The following CD2AP variants were observed in gnomAD, a reference collection of about 807,000 sequenced individuals.
CD2AP encodes CD2-associated protein.
CD2AP carries 46 observed loss-of-function variants against 85.1 expected under a neutral mutation model. The ratio of observed to expected loss-of-function variants is 0.54; its 90% CI spans 0.43 to 0.69. The LOEUF (loss-of-function observed/expected upper bound fraction) is 0.69, where lower values mean the gene tolerates loss of function less well. Among genes scored for constraint, CD2AP ranks in the 30% least tolerant of loss-of-function variants. The probability of loss-of-function intolerance (pLI) is 0.00; values close to 1 mark genes in which losing one functional copy is unlikely to be tolerated. For synonymous variants in CD2AP, 255 were observed against 252.9 expected (o/e 1.01, Z -0.08); for missense variants, 769 against 729.5 (o/e 1.05, Z -0.62).
intron 1 of CD2AP, among the ~76,000 whole-genome samples, chr6:47,496,562 AT>A (rs1254956965): frequency 6.6e-6 from 1 of 152,248 alleles, no homozygotes; most frequent in Non-Finnish European, 1.5e-5. Context: ...TGCTATAAAC[AT>A]TTTTGCTGTA....
intron 2 of CD2AP, among the ~76,000 whole-genome samples, chr6:47,521,398 A>G (rs1336684615): frequency 1.3e-5 from 2 of 151,854 alleles, no homozygotes; most frequent in African/African-American, 4.8e-5. Context: ...CTAAATATAC[A>G]AAAATTAGCT....
chr6:47,487,406 C>A (rs1252032807), intron 1 of CD2AP, among the ~76,000 whole-genome samples: 1 of 152,052 alleles, frequency 6.6e-6, no homozygotes, highest in African/African-American at 2.4e-5. Flanking sequence ...ATAAAAACTT[C>A]TTGGCCAGGC....
At chr6:47,512,371 T>TA (rs1766341618) in intron 2 of CD2AP, among the ~76,000 whole-genome samples, 1 of 152,118 alleles carries the variant, frequency 6.6e-6, no homozygotes, top group African/African-American at 2.4e-5. Flanking sequence ...AGGTGCATGT[T>TA]ATTTTGTAAA....
intron 17 of CD2AP, among the ~76,000 whole-genome samples, chr6:47,622,527 C>G (rs1769782152): frequency 6.6e-6 from 1 of 152,162 alleles, no homozygotes; most frequent in South Asian, 2.1e-4. Context: ...GCTGCTTCCT[C>G]TACCCCCCTT....
Position 47,489,582 on chromosome 6 carries a change from ATACT to A in CD2AP, c.4+11337_4+11340del, listed in dbSNP as rs1288174718. Among the ~76,000 whole-genome samples, 15 of 152,194 alleles carry A rather than the reference ATACT, an allele frequency of 9.9e-5. No homozygotes were observed. In the East Asian group the frequency reaches 1.2e-3, roughly 12 times the overall value. ...TAATTTTAAAATTCATTTTCAGTTG[ATACT>A]TAGTTACTAGCATTTAGGGAATTCT... On this transcript the variant is annotated intron_variant, in intron 1 of 17. Coordinates refer to ENST00000359314, the MANE Select transcript of CD2AP (RefSeq NM_012120.3).
intron 15 of CD2AP, among the ~76,000 whole-genome samples, chr6:47,608,473 T>G (rs1168259272): frequency 6.6e-6 from 1 of 152,162 alleles, no homozygotes; most frequent in East Asian, 1.9e-4. Flanking sequence ...TTTACCATTT[T>G]TATTTAACAT....
intron 16 of CD2AP, among the ~76,000 whole-genome samples, chr6:47,612,208 G>A (rs1411296109): frequency 6.6e-6 from 1 of 152,032 alleles, no homozygotes; most frequent in Non-Finnish European, 1.5e-5. Context: ...TCTTCTAAAG[G>A]TTAGATATTA....
rs773413172 is a variant in CD2AP at position 47,607,941 on chromosome 6, C to T, written c.1545C>T (p.Pro515=). ...AAATCATTTAGCCAACTCACAGCCC[C>T]GAAAAAATCTTGAAGTTACCAAAAG... is the stretch of plus-strand genomic sequence containing the variant. ...FNGGHSPTHS[P]EKILKLPKEE... is the part of the protein sequence containing the mutation. The change falls in exon 15 of 18, where the codon CCC becomes CCT. Residue 515 remains proline, a synonymous_variant. Coordinates refer to ENST00000359314, the MANE Select transcript of CD2AP (RefSeq NM_012120.3). The T allele has an allele frequency of 7.4e-6, 12 of 1,611,694 alleles. No individual in the cohort carries two copies. The highest frequency in any genetic ancestry group is 2.2e-5 in the East Asian group (1 of 44,794).
chr6:47,549,926 C>G (rs1767468164), intron 4 of CD2AP, among the ~76,000 whole-genome samples: 1 of 152,100 alleles, frequency 6.6e-6, no homozygotes, highest in Non-Finnish European at 1.5e-5. Flanking sequence ...GCTAACTGAT[C>G]TTCGACAAAG....
intron 3 of CD2AP, among the ~76,000 whole-genome samples, chr6:47,541,938 C>G (rs751373090): frequency 5.8e-4 from 89 of 152,200 alleles, no homozygotes; most frequent in Non-Finnish European, 1.1e-3. Context: ...TTAGGATTCT[C>G]CTTTGTTGTC....
At chr6:47,534,120 C>G (rs771577240) in intron 3 of CD2AP, among the ~76,000 whole-genome samples, 14 of 152,152 alleles carry the variant, frequency 9.2e-5, no homozygotes, top group Non-Finnish European at 1.6e-4. Flanking sequence ...GCTTTTTCTT[C>G]AGTTGTTAAA....
intron 13 of CD2AP, among the ~76,000 whole-genome samples, chr6:47,601,739 T>C (rs1328432046): frequency 6.6e-6 from 1 of 152,012 alleles, no homozygotes; most frequent in East Asian, 1.9e-4. Context: ...TCAAATATAA[T>C]GTGTGAAACT....
intron 4 of CD2AP, among the ~76,000 whole-genome samples, chr6:47,553,241 A>T (rs2114060107): frequency 6.6e-6 from 1 of 152,316 alleles, no homozygotes; most frequent in Admixed American, 6.5e-5. Flanking sequence ...TATGAGATGG[A>T]AAACAATTAA....
At chr6:47,569,937 T>A (rs1378704473) in intron 5 of CD2AP, among the ~76,000 whole-genome samples, 1 of 152,192 alleles carries the variant, frequency 6.6e-6, no homozygotes, top group Non-Finnish European at 1.5e-5. Flanking sequence ...TGGATCTTTC[T>A]AAGTTATTGC....
intron 1 of CD2AP, among the ~76,000 whole-genome samples, chr6:47,502,311 C>T (rs1766015389): frequency 6.8e-6 from 1 of 146,594 alleles, no homozygotes; most frequent in African/African-American, 2.5e-5. Flanking sequence ...TTTTCATTAT[C>T]TTTTTTTTTT....
intron 8 of CD2AP, among the ~76,000 whole-genome samples, chr6:47,578,022 C>T (rs1447518778): frequency 1.4e-5 from 2 of 141,740 alleles, no homozygotes; most frequent in African/African-American, 5.0e-5. Flanking sequence ...TGACATCTGT[C>T]ATCTCACATA....
intron 2 of CD2AP, among the ~76,000 whole-genome samples, chr6:47,528,823 G>C (rs1166618872): frequency 1.3e-5 from 2 of 152,012 alleles, no homozygotes; most frequent in Non-Finnish European, 1.5e-5. Context: ...GATTTTTTTG[G>C]ATCTTTTGCC....
chr6:47,510,204 A>G (rs1352010286), intron 2 of CD2AP, among the ~76,000 whole-genome samples: 3 of 152,322 alleles, frequency 2.0e-5, no homozygotes, highest in South Asian at 2.1e-4. Context: ...GTACAGGTAG[A>G]TACAGGAATG....
intron 11 of CD2AP, among the ~76,000 whole-genome samples, chr6:47,591,033 A>G (rs75769756): frequency 0.016 from 2,381 of 152,330 alleles, 44 homozygotes; most frequent in African/African-American, 0.038. Context: ...TAAATTTATA[A>G]CAAAGTTGCC....
Sources: allele counts gnomAD v4.1 joint callset (sites outside exome capture counted in the v4.1 genomes callset), GRCh38; gene constraint gnomAD v4.1.1; transcripts MANE v1.5; gene names NCBI Gene and HGNC (gene_info 2026-07-23, HGNC 2026-07-21).